Variants in DTWD1 observed in about 807,000 individuals in gnomAD.
DTWD1 encodes the protein tRNA-uridine aminocarboxypropyltransferase 1.
Under a neutral mutation model 30.2 loss-of-function variants are expected in DTWD1, and 27 were observed. The ratio of observed to expected loss-of-function variants is 0.90; its 90% CI spans 0.66 to 1.23. The LOEUF is 1.23. Among genes scored for constraint, DTWD1 ranks in the 50% most tolerant of loss-of-function variants. The pLI is 0.00. For missense variants in DTWD1, 342 were observed against 348.8 expected (o/e 0.98, Z 0.15); for synonymous variants, 99 against 113.1 (o/e 0.88, Z 0.79).
chr15:49,653,437 T>C lies in DTWD1; in HGVS notation c.*9859T>C, dbSNP rs112821364. On this transcript the variant is annotated 3_prime_UTR_variant, in exon 5 of 5. Transcript: ENST00000403028. ...TGCAGTTCAGCTAACATCTTGATTT[T>C]AGATCAGTGAGATTTTTGTGTTGGA... 4.3e-4 allele frequency: 65 copies of C among 152,266 alleles called. No homozygotes were observed. Among genetic ancestry groups the C allele is most frequent in the African/African-American group, 1.5e-3 (62 of 41,566 alleles). The allele number at this position is 152,266 out of a possible 1,614,324, so 9.4% of individuals were successfully genotyped here. A position where few individuals can be genotyped will look rare whatever the true frequency, so the allele number is the denominator to read the frequency against.
rs1389278236 is a variant in DTWD1 at position 49,643,560 on chromosome 15, A to G, written c.897A>G (p.Thr299=). Residue 299 remains threonine (T), a synonymous_variant, in exon 5 of 5, where the codon ACA becomes ACG. Coordinates refer to ENST00000403028, the MANE Select transcript of DTWD1 (RefSeq NM_001144955.2). Reference sequence around the variant, plus strand: ...CCAAATGCTCTGGAGATAAGGAAACAGGAAAACTTACACATTAGTTTTTAA... The same window carrying G: ...CCAAATGCTCTGGAGATAAGGAAACGGGAAAACTTACACATTAGTTTTTAA... ...KNAKCSGDKE[T]GKLTH is the part of the protein sequence containing the mutation. The G allele has an allele frequency of 1.9e-6, 3 of 1,595,272 alleles. No individual in the cohort carries two copies. The highest frequency in any genetic ancestry group is 2.2e-5 in the East Asian group (1 of 44,622).
rs1226376062 is a variant in DTWD1 at position 49,643,464 on chromosome 15, A to G, written c.801A>G (p.Lys267=). Reference sequence around the variant, plus strand: ...TAGACTACCATACTGATATATTAAAAGAGAAATACAGAGGGCAATATGACA... The same window carrying G: ...TAGACTACCATACTGATATATTAAAGGAGAAATACAGAGGGCAATATGACA... ...FLVDYHTDIL[K]EKYRGQYDNL... The change falls in exon 5 of 5, where the codon AAA becomes AAG. Residue 267 remains lysine, a synonymous_variant. Coordinates refer to ENST00000403028, the MANE Select transcript of DTWD1 (RefSeq NM_001144955.2). The G allele has an allele frequency of 6.2e-7, 1 of 1,609,682 alleles. No individual in the cohort carries two copies. Among genetic ancestry groups the G allele is most frequent in the African/African-American group, 1.3e-5 (1 of 74,842 alleles).
At position 49,651,349 on chromosome 15, in the gene DTWD1, T is replaced by G. The variant is rs1210671844; in HGVS notation, c.*7771T>G. 1 of 152,178 alleles carries G rather than the reference T, an allele frequency of 6.6e-6. No homozygotes were observed. The highest frequency in any genetic ancestry group is 2.4e-5 in the African/African-American group (1 of 41,446). 9.4% of individuals were successfully genotyped at this position (152,178 alleles called of 1,614,324 possible). On this transcript the variant is annotated 3_prime_UTR_variant, in exon 5 of 5. Transcript: ENST00000403028. ...GTGCCCACCAGAGAGCATTCAGTAC[T>G]GAAGAGTCTCTAAACAATAAAGCAA...
At chr15:49,625,791 C>A (rs2078835544) in intron 2 of DTWD1, among the ~76,000 whole-genome samples, 1 of 151,934 alleles carries the variant, frequency 6.6e-6, no homozygotes, top group South Asian at 2.1e-4. Flanking sequence ...GGTAAATGCA[C>A]GATTTGTAAA....
At chr15:49,634,886 C>T in intron 4 of DTWD1, 92 bp downstream of exon 4, 11 of 1,220,826 alleles carry the variant, frequency 9.0e-6, no homozygotes, top group Non-Finnish European at 1.0e-5. Context: ...AGGAGTTACA[C>T]TGAATACCTA....
At chr15:49,628,016 G>C (rs1267915428) in intron 2 of DTWD1, among the ~76,000 whole-genome samples, 1 of 152,082 alleles carries the variant, frequency 6.6e-6, no homozygotes, top group East Asian at 1.9e-4. Context: ...TTGCACAGCT[G>C]AACAAAAATA....
intron 1 of DTWD1, among the ~76,000 whole-genome samples, chr15:49,624,618 T>C (rs1049785415): frequency 1.3e-5 from 2 of 152,178 alleles, no homozygotes; most frequent in African/African-American, 4.8e-5. Context: ...TTATTTTTTA[T>C]TGGATATGAA....
Position 49,651,304 on chromosome 15 carries a change from A to G in DTWD1, c.*7726A>G, listed in dbSNP as rs941749076. 3 of 152,164 alleles carry G rather than the reference A, an allele frequency of 2.0e-5. No homozygotes were observed. The highest frequency in any genetic ancestry group is 7.2e-5 in the African/African-American group (3 of 41,460). The allele number at this position is 152,164 out of a possible 1,614,324, so 9.4% of individuals were successfully genotyped here. The stretch of plus-strand genomic sequence containing the variant: ...TGTCAAGTATGTACATGAACTGTGA[A>G]GGTCTCTGTATTACGTGCAGTGCCC... On this transcript the variant is annotated 3_prime_UTR_variant, in exon 5 of 5. Coordinates refer to ENST00000403028, the MANE Select transcript of DTWD1 (RefSeq NM_001144955.2).
intron 1 of DTWD1, among the ~76,000 whole-genome samples, chr15:49,623,333 T>C (rs2078794021): frequency 6.6e-6 from 1 of 152,156 alleles, no homozygotes; most frequent in Non-Finnish European, 1.5e-5. Flanking sequence ...AAAGAGAGTT[T>C]AGGTGAAACT....
chr15:49,622,286 AT>A lies in DTWD1; in HGVS notation c.-56+1165del, dbSNP rs1296894592. Among the ~76,000 whole-genome samples, 3 of 152,194 alleles carry A rather than the reference AT, an allele frequency of 2.0e-5. No individual in the cohort carries two copies. The East Asian group carries it at 5.8e-4, about 29-fold the overall frequency. On this transcript the variant is annotated intron_variant, in intron 1 of 4. Coordinates refer to ENST00000403028, the MANE Select transcript of DTWD1 (RefSeq NM_001144955.2). ...ACCTCCACAATAAATGCATTTTTCC[AT>A]GTCAAATATGTGGAACTAATAATAA...
chr15:49,631,750 G>A (rs2078924077), intron 2 of DTWD1, among the ~76,000 whole-genome samples: 1 of 152,150 alleles, frequency 6.6e-6, no homozygotes, highest in African/African-American at 2.4e-5. Flanking sequence ...GGCAGAGTGA[G>A]AGTCCATCTC....
At chr15:49,622,431 G>A (rs1386878278) in intron 1 of DTWD1, among the ~76,000 whole-genome samples, 1 of 152,166 alleles carries the variant, frequency 6.6e-6, no homozygotes, top group Non-Finnish European at 1.5e-5. Flanking sequence ...ATGCAACTTG[G>A]TGAGTATAAT....
At position 49,653,028 on chromosome 15, in the gene DTWD1, A is replaced by G. The variant is rs1359237982; in HGVS notation, c.*9450A>G. 6.6e-6 allele frequency: 1 copy of G among 152,116 alleles called. No homozygotes were observed. Among genetic ancestry groups the G allele is most frequent in the East Asian group, 1.9e-4 (1 of 5,176 alleles). The allele number at this position is 152,116 out of a possible 1,614,324, so 9.4% of individuals were successfully genotyped here. A position where few individuals can be genotyped will look rare whatever the true frequency, so the allele number is the denominator to read the frequency against. On this transcript the variant is annotated 3_prime_UTR_variant, in exon 5 of 5. Transcript: ENST00000403028. ...TTTAAACAGAATTTTGAGAAATCCC[A>G]AATCAGTTTTTTTTCAGCATATGAC...
rs1016571971 is a variant in DTWD1, at chr15:49,651,500, G to A, written c.*7922G>A. 2.6e-5 allele frequency: 4 copies of A among 152,192 alleles called. No individual in the cohort carries two copies. Among genetic ancestry groups the A allele is most frequent in the African/African-American group, 9.6e-5 (4 of 41,454 alleles). The allele number at this position is 152,192 out of a possible 1,614,324, so 9.4% of individuals were successfully genotyped here. A position where few individuals can be genotyped will look rare whatever the true frequency, so the allele number is the denominator to read the frequency against. On this transcript the variant is annotated 3_prime_UTR_variant, in exon 5 of 5. Transcript: ENST00000403028. ...GGATGAAGACTAAGCATAGGGTTCA[G>A]TAGCTTGAGTTTCAACTTACCAAGG...
chr15:49,630,134 C>G (rs141418357), intron 2 of DTWD1, among the ~76,000 whole-genome samples: 70 of 152,110 alleles, frequency 4.6e-4, no homozygotes, highest in African/African-American at 1.6e-3. Flanking sequence ...CTAGAAAGTA[C>G]AAACTATAGT....
intron 1 of DTWD1, chr15:49,623,594 C>T (rs546255800): frequency 2.0e-5 from 3 of 152,194 alleles, no homozygotes; most frequent in Non-Finnish European, 4.4e-5. Flanking sequence ...TTACCTGGGT[C>T]GTAGATGGAC....
chr15:49,643,801 C>T lies in DTWD1; in HGVS notation c.*223C>T, dbSNP rs1414885996. The stretch of plus-strand genomic sequence containing the variant: ...AAACTTACTTCAGAAGTTATTTGCT[C>T]AGTGAAACCTCAGTTTCATTACTAC... On this transcript the variant is annotated 3_prime_UTR_variant, in exon 5 of 5. Coordinates refer to ENST00000403028, the MANE Select transcript of DTWD1 (RefSeq NM_001144955.2). The T allele has an allele frequency of 1.0e-5, 4 of 391,544 alleles. No individual in the cohort carries two copies. Among genetic ancestry groups the T allele is most frequent in the Non-Finnish European group, 1.8e-5 (4 of 226,468 alleles). 24.3% of individuals were successfully genotyped at this position (391,544 alleles called of 1,614,324 possible).
At chr15:49,642,082 A>T (rs2079072100) in intron 4 of DTWD1, among the ~76,000 whole-genome samples, 2 of 151,978 alleles carry the variant, frequency 1.3e-5, no homozygotes, top group Admixed American at 6.6e-5. Flanking sequence ...TTGATCCTCC[A>T]TATCTCTGAA....
chr15:49,629,815 T>G (rs1427775585), intron 2 of DTWD1: 1 of 152,184 alleles, frequency 6.6e-6, no homozygotes, highest in Non-Finnish European at 1.5e-5. Flanking sequence ...AACTTATAAA[T>G]GATTGCTAGG....
Sources: gnomAD v4.1 joint callset for allele counts (sites outside exome capture counted in the v4.1 genomes callset) on GRCh38, gnomAD v4.1.1 for gene constraint, MANE v1.5 for transcripts, NCBI Gene and HGNC (gene_info 2026-07-23, HGNC 2026-07-21) for gene names.